The following COA1 variants were observed in gnomAD, a reference collection of about 807,000 sequenced individuals.
COA1 encodes cytochrome c oxidase assembly factor 1, also known as cytochrome c oxidase assembly factor 1 homolog.
Under a neutral mutation model 16.0 loss-of-function variants are expected in COA1, and 13 were observed. That is an observed-to-expected ratio of 0.81 (90% CI 0.53 to 1.29). The LOEUF is 1.29. Among genes scored for constraint, COA1 ranks in the 50% most tolerant of loss-of-function variants. The pLI is 0.00. For synonymous variants in COA1, 65 were observed against 65.7 expected (o/e 0.99, Z 0.05); for missense variants, 179 against 177.0 (o/e 1.01, Z -0.06).
At chr7:43,692,038 C>T (rs1190842366) in intron 1 of COA1, among the ~76,000 whole-genome samples, 1 of 152,156 alleles carries the variant, frequency 6.6e-6, no homozygotes, top group African/African-American at 2.4e-5. Context: ...TTCAAGCTCC[C>T]CTCAGCTGTG....
Position 43,695,589 on chromosome 7 carries a change from C to T in COA1, c.-39+33840G>A, listed in dbSNP as rs557811053. ...GCCTGTCACTGAGCAGTCCTCAATT[C>T]ATGTGTTGAATGAATGAATGAATAG... On this transcript the variant is annotated intron_variant, in intron 1 of 5. Transcript: ENST00000223336. Among the ~76,000 whole-genome samples the T allele has an allele frequency of 1.0e-3, 154 of 152,132 alleles. 1 individual carries two copies. The highest frequency in any genetic ancestry group is 3.6e-3 in the African/African-American group (148 of 41,542).
chr7:43,653,314 ACAAAC>A (rs776490769), intron 1 of COA1, among the ~76,000 whole-genome samples: 11 of 150,754 alleles, frequency 7.3e-5, no homozygotes, highest in South Asian at 2.1e-4. Flanking sequence ...TCCGTCTCAA[ACAAAC>A]AAAAAAAAAG....
intron 1 of COA1, among the ~76,000 whole-genome samples, chr7:43,675,270 T>C (rs1048567772): frequency 6.6e-6 from 1 of 152,244 alleles, no homozygotes; most frequent in South Asian, 2.1e-4. Context: ...GAAGACTTCA[T>C]GTCCTTTGTA....
intron 1 of COA1, among the ~76,000 whole-genome samples, chr7:43,694,450 T>C (rs74920080): frequency 0.036 from 5,531 of 152,168 alleles, 308 homozygotes; most frequent in African/African-American, 0.12. Flanking sequence ...AAACAACTCC[T>C]GTGAAAGTCT....
chr7:43,609,350 G>A (rs1259243936), exon 7 of COA1: 1 of 152,312 alleles, frequency 6.6e-6, no homozygotes, highest in Non-Finnish European at 1.5e-5. Context: ...AAGTGTGCTG[G>A]TTGGTGTAGG....
intron 6 of COA1, among the ~76,000 whole-genome samples, chr7:43,614,457 C>T (rs893290314): frequency 3.3e-5 from 5 of 152,098 alleles, no homozygotes; most frequent in South Asian, 4.1e-4. Context: ...TGCTGAGGTA[C>T]TTAGCTTTGT....
downstream of COA1, chr7:43,639,117 C>A (rs2086449285): frequency 6.6e-6 from 1 of 152,416 alleles, no homozygotes; most frequent in African/African-American, 2.4e-5. Context: ...GAGTGAAAAA[C>A]CAGTGGTCTT....
intron 1 of COA1, among the ~76,000 whole-genome samples, chr7:43,658,235 G>C (rs553914713): frequency 2.2e-4 from 33 of 151,796 alleles, no homozygotes; most frequent in Non-Finnish European, 4.0e-4. Context: ...AATTAGCCCA[G>C]CATGGTGGCG....
At chr7:43,623,415 C>G in intron 6 of COA1, 1 of 629,048 alleles carries the variant, frequency 1.6e-6, no homozygotes, top group Non-Finnish European at 2.7e-6. Flanking sequence ...TCTAGTTAGG[C>G]TTTATATTAA....
At chr7:43,676,869 G>C (rs1271147481) in intron 1 of COA1, among the ~76,000 whole-genome samples, 3 of 151,710 alleles carry the variant, frequency 2.0e-5, no homozygotes, top group African/African-American at 4.8e-5. Flanking sequence ...TAAACTATAT[G>C]GTCAATGGTA....
intron 1 of COA1, among the ~76,000 whole-genome samples, chr7:43,720,215 T>C (rs66643028): frequency 0.15 from 22,158 of 151,706 alleles, 2,186 homozygotes; most frequent in Non-Finnish European, 0.21. Flanking sequence ...GGAGGAAAGA[T>C]TGCAGTGAGC....
At chr7:43,685,372 A>T (rs1432481677) in intron 1 of COA1, among the ~76,000 whole-genome samples, 1 of 152,122 alleles carries the variant, frequency 6.6e-6, no homozygotes, top group Non-Finnish European at 1.5e-5. Flanking sequence ...ATGAGATTTT[A>T]ATTTCTGACG....
chr7:43,648,887 TG>T (rs1260996965), intron 1 of COA1: 3 of 434,436 alleles, frequency 6.9e-6, no homozygotes, highest in African/African-American at 5.9e-5. Context: ...ATGTAGTTTT[TG>T]TTACAGCAAC....
chr7:43,677,094 A>G (rs1021612694), intron 1 of COA1, among the ~76,000 whole-genome samples: 2 of 152,206 alleles, frequency 1.3e-5, no homozygotes, highest in African/African-American at 4.8e-5. Context: ...CTTGGCCTTA[A>G]GAATTCTTTG....
At chr7:43,688,085 C>T (rs986820648) in intron 1 of COA1, among the ~76,000 whole-genome samples, 2 of 152,192 alleles carry the variant, frequency 1.3e-5, no homozygotes, top group African/African-American at 4.8e-5. Flanking sequence ...TTTCACCTCC[C>T]GCCATGATTC....
intron 1 of COA1, among the ~76,000 whole-genome samples, chr7:43,658,045 A>C (rs967638140): frequency 6.6e-6 from 1 of 151,930 alleles, no homozygotes; most frequent in African/African-American, 2.4e-5. Flanking sequence ...AATTAAAATA[A>C]AAAAATTAAG....
At chr7:43,706,823 T>C (rs565935699) in intron 1 of COA1, among the ~76,000 whole-genome samples, 17 of 151,666 alleles carry the variant, frequency 1.1e-4, no homozygotes, top group African/African-American at 3.4e-4. Flanking sequence ...TGAGCTGTGA[T>C]AGGACCACTG....
At chr7:43,706,579 A>G (rs866311180) in intron 1 of COA1, among the ~76,000 whole-genome samples, 3 of 151,678 alleles carry the variant, frequency 2.0e-5, no homozygotes, top group African/African-American at 7.3e-5. Flanking sequence ...AAAAAAATAA[A>G]AAAACCCAGC....
At chr7:43,694,885 C>T (rs2094482131) in intron 1 of COA1, among the ~76,000 whole-genome samples, 1 of 152,230 alleles carries the variant, frequency 6.6e-6, no homozygotes, top group South Asian at 2.1e-4. Context: ...CAAGATTAAA[C>T]TCCAGGCTTC....
Sources: allele counts gnomAD v4.1 joint callset (sites outside exome capture counted in the v4.1 genomes callset), GRCh38; gene constraint gnomAD v4.1.1; transcripts MANE v1.5; gene names NCBI Gene and HGNC (gene_info 2026-07-23, HGNC 2026-07-21).